UGGT2: variants seen among roughly 807,000 people sequenced by gnomAD.
The protein encoded by UGGT2 is UDP-glucose:glycoprotein glucosyltransferase 2.
Under a neutral mutation model 192.1 loss-of-function variants are expected in UGGT2, and 180 were observed. That is an observed-to-expected ratio of 0.94 (90% CI 0.83 to 1.06). UGGT2 has a LOEUF of 1.06. Ranked by LOEUF, UGGT2 falls within the 50% of genes least tolerant of loss-of-function variation. The pLI is 0.00. For synonymous variants in UGGT2, 580 were observed against 591.0 expected, an observed-to-expected ratio of 0.98 and a Z score of 0.27; for missense variants, 1,849 against 1,795.7, an observed-to-expected ratio of 1.03 and a Z score of -0.54.
At chr13:95,917,195 G>T (rs1180286024) in intron 20 of UGGT2, among the ~76,000 whole-genome samples, 4 of 152,118 alleles carry the variant, frequency 2.6e-5, no homozygotes, top group Non-Finnish European at 5.9e-5. Flanking sequence ...ACTAACAGCA[G>T]ACCTCTCAGC....
intron 10 of UGGT2, among the ~76,000 whole-genome samples, chr13:95,974,797 T>A (rs1458812492): frequency 6.6e-6 from 1 of 152,140 alleles, no homozygotes; most frequent in Admixed American, 6.5e-5. Context: ...ATATTAATAA[T>A]GAGACTGGGT....
Position 95,949,353 on chromosome 13 carries a change from C to T in UGGT2, c.1437G>A (p.Arg479=), listed in dbSNP as rs758044970. ...AACTCACCAAATTATGAAAATTGCG[C>T]CTTATGGAAGGTACACTTCCAGGAA... ...PVFPGSVPSI[R]RNFHNLVLFI... is the part of the protein sequence containing the mutation. The change falls in exon 13 of 39, where the codon AGG becomes AGA. Residue 479 remains arginine, a synonymous_variant. Coordinates refer to ENST00000376747, the MANE Select transcript of UGGT2 (RefSeq NM_020121.4). The T allele has an allele frequency of 7.0e-6, 11 of 1,560,844 alleles. No individual in the cohort carries two copies. The highest frequency in any genetic ancestry group is 9.5e-6 in the Non-Finnish European group (11 of 1,153,030).
At chr13:95,911,711 G>C (rs2140346653) in intron 20 of UGGT2, among the ~76,000 whole-genome samples, 1 of 152,254 alleles carries the variant, frequency 6.6e-6, no homozygotes, top group East Asian at 1.9e-4. Flanking sequence ...TAGAAAAAGA[G>C]AGAATCCTCC....
intron 13 of UGGT2, 125 bp downstream of exon 13, chr13:95,949,210 G>A: frequency 1.1e-6 from 1 of 948,862 alleles, no homozygotes; most frequent in South Asian, 3.6e-5. Flanking sequence ...ACCTAAGCTT[G>A]CTGCTTCAGG....
intron 12 of UGGT2, among the ~76,000 whole-genome samples, chr13:95,963,451 A>G (rs1027698622): frequency 6.6e-6 from 1 of 152,214 alleles, no homozygotes; most frequent in Admixed American, 6.5e-5. Flanking sequence ...CATCATACGC[A>G]CTGTGGAAAA....
At chr13:95,965,182 A>G (rs1461667240) in intron 12 of UGGT2, among the ~76,000 whole-genome samples, 19 of 151,072 alleles carry the variant, frequency 1.3e-4, no homozygotes, top group African/African-American at 2.7e-4. Context: ...AGTCAGTGTG[A>G]CGATTCCTCA....
chr13:95,860,687 G>T, intron 32 of UGGT2, 101 bp downstream of exon 32: 1 of 611,774 alleles, frequency 1.6e-6, no homozygotes, highest in Non-Finnish European at 2.5e-6. Context: ...AACAGAGGTG[G>T]GAGTTTTTTT....
At chr13:95,965,092 C>T (rs2050526578) in intron 12 of UGGT2, among the ~76,000 whole-genome samples, 1 of 150,526 alleles carries the variant, frequency 6.6e-6, no homozygotes, top group South Asian at 2.1e-4. Context: ...CAGGAAACAA[C>T]AGGTGCTGGA....
chr13:95,901,326 T>C (rs1026488740), intron 21 of UGGT2, among the ~76,000 whole-genome samples: 8 of 152,098 alleles, frequency 5.3e-5, no homozygotes, highest in Non-Finnish European at 1.2e-4. Context: ...AAAATGGAAA[T>C]ACTCCTTTCT....
At chr13:95,836,041 C>CA (rs1555336937) in intron 37 of UGGT2, among the ~76,000 whole-genome samples, 1 of 151,352 alleles carries the variant, frequency 6.6e-6, no homozygotes, top group East Asian at 1.9e-4. Context: ...GCTCTCAGCC[C>CA]TTTTTTTTTG....
At chr13:95,902,296 A>G (rs2048126066) in intron 21 of UGGT2, among the ~76,000 whole-genome samples, 1 of 152,112 alleles carries the variant, frequency 6.6e-6, no homozygotes, top group Non-Finnish European at 1.5e-5. Flanking sequence ...AAAAGTACAT[A>G]CTGCCACTCT....
chr13:95,932,487 G>A (rs116994996), intron 17 of UGGT2, among the ~76,000 whole-genome samples: 1 of 152,222 alleles, frequency 6.6e-6, no homozygotes, highest in Non-Finnish European at 1.5e-5. Flanking sequence ...TCAGTTCTAG[G>A]AGTTGTCCGG....
At position 95,853,583 on chromosome 13, in the gene UGGT2, G is replaced by A; in HGVS notation, c.4244C>T (p.Ala1415Val). ...AGDRLRSQYQ[A>V]LSQDPNSLSN... ...AAGACTGTTTGGATCTTGACTGAGA[G>A]CTTGATACTGGCTCCTGAGCCTGTC... Residue 1415 changes from alanine (A) to valine (V), a missense_variant, in exon 36 of 39, where the codon GCT becomes GTT. Coordinates refer to ENST00000376747, the MANE Select transcript of UGGT2 (RefSeq NM_020121.4). 1 of 1,611,214 alleles carries A rather than the reference G, an allele frequency of 6.2e-7. No homozygotes were observed. The highest frequency in any genetic ancestry group is 1.1e-5 in the South Asian group (1 of 90,450).
intron 29 of UGGT2, among the ~76,000 whole-genome samples, chr13:95,869,000 A>G (rs1334671090): frequency 6.6e-6 from 1 of 151,222 alleles, no homozygotes; most frequent in Non-Finnish European, 1.5e-5. Flanking sequence ...TCTTCATTTA[A>G]CATTAGGTAT....
chr13:95,861,471 T>C (rs1165299883), intron 31 of UGGT2, among the ~76,000 whole-genome samples: 1 of 152,116 alleles, frequency 6.6e-6, no homozygotes, highest in Admixed American at 6.6e-5. Context: ...GTCTACTTAC[T>C]GGTTTACATC....
intron 6 of UGGT2, among the ~76,000 whole-genome samples, chr13:95,997,665 T>G (rs2051668466): frequency 6.6e-6 from 1 of 151,736 alleles, no homozygotes; most frequent in Non-Finnish European, 1.5e-5. Context: ...GAAAAAGATG[T>G]GAAGTCTTTA....
chr13:95,961,133 A>T (rs1334859338), intron 12 of UGGT2, among the ~76,000 whole-genome samples: 3 of 152,164 alleles, frequency 2.0e-5, no homozygotes, highest in Non-Finnish European at 2.9e-5. Context: ...AAAGATTCAA[A>T]TGTTACCAAT....
At chr13:96,051,458 G>A (rs544472777) in intron 1 of UGGT2, among the ~76,000 whole-genome samples, 1 of 152,066 alleles carries the variant, frequency 6.6e-6, no homozygotes, top group Non-Finnish European at 1.5e-5. Flanking sequence ...ATGTACCCTA[G>A]AACTTAAAGT....
intron 1 of UGGT2, among the ~76,000 whole-genome samples, chr13:96,045,188 AG>A (rs2053272130): frequency 6.6e-6 from 1 of 152,198 alleles, no homozygotes; most frequent in African/African-American, 2.4e-5. Context: ...AATATAGGCA[AG>A]TCAATAAATG....
Sources: gnomAD v4.1 joint callset for allele counts (sites outside exome capture counted in the v4.1 genomes callset) on GRCh38, gnomAD v4.1.1 for gene constraint, MANE v1.5 for transcripts, NCBI Gene and HGNC (gene_info 2026-07-23, HGNC 2026-07-21) for gene names.